The following PID1 variants were observed in gnomAD, a reference collection of about 807,000 sequenced individuals.
PID1 encodes the protein PTB-containing, cubilin and LRP1-interacting protein.
PID1 carries 10 observed loss-of-function variants against 19.1 expected under a neutral mutation model. That is an observed-to-expected ratio of 0.52 (90% CI 0.32 to 0.89). The LOEUF is 0.89. PID1 is among the 40% of genes least tolerant of loss of function. The pLI is 0.03. For synonymous variants in PID1, 130 were observed against 116.0 expected (o/e 1.12, Z -0.78); for missense variants, 248 against 285.3 (o/e 0.87, Z 0.94).
chr2:229,113,035 A>G (rs1695330812), intron 2 of PID1, among the ~76,000 whole-genome samples: 1 of 152,068 alleles, frequency 6.6e-6, no homozygotes, highest in Non-Finnish European at 1.5e-5. Flanking sequence ...TTCCCAGCAG[A>G]CTCTATGTGA....
At chr2:229,050,109 G>A (rs3922300) in intron 2 of PID1, among the ~76,000 whole-genome samples, 78,844 of 151,356 alleles carry the variant, frequency 0.52, 21,230 homozygotes, top group East Asian at 0.67. Context: ...GACAGCTCCT[G>A]ATTCTTTAGG....
chr2:229,158,110 G>T (rs11903631), intron 1 of PID1, among the ~76,000 whole-genome samples: 55,333 of 152,118 alleles, frequency 0.36, 10,475 homozygotes, highest in African/African-American at 0.42. Flanking sequence ...ACTGCACAAT[G>T]TAAATTCATG....
At chr2:229,140,679 G>T (rs1325165696) in intron 2 of PID1, among the ~76,000 whole-genome samples, 1 of 152,036 alleles carries the variant, frequency 6.6e-6, no homozygotes, top group African/African-American at 2.4e-5. Context: ...AGAAGAGCCT[G>T]GCCTACACTA....
At chr2:229,229,748 C>T (rs1209868335) in intron 1 of PID1, among the ~76,000 whole-genome samples, 1 of 152,244 alleles carries the variant, frequency 6.6e-6, no homozygotes, top group Non-Finnish European at 1.5e-5. Flanking sequence ...AATCCACAGG[C>T]TTTCAGATGG....
intron 2 of PID1, among the ~76,000 whole-genome samples, chr2:229,075,576 A>C (rs1437417523): frequency 6.6e-6 from 1 of 152,206 alleles, no homozygotes; most frequent in African/African-American, 2.4e-5. Flanking sequence ...TCATGTTTGC[A>C]ATCAAGATGG....
intron 1 of PID1, among the ~76,000 whole-genome samples, chr2:229,253,367 T>C (rs1690204765): frequency 6.6e-6 from 1 of 152,132 alleles, no homozygotes; most frequent in African/African-American, 2.4e-5. Flanking sequence ...GTGCAGCAAT[T>C]TGGCAGGAAG....
chr2:229,088,608 T>C (rs1574619099), intron 2 of PID1, among the ~76,000 whole-genome samples: 1 of 152,294 alleles, frequency 6.6e-6, no homozygotes, highest in South Asian at 2.1e-4. Flanking sequence ...TCTGGTACTA[T>C]GGACCTGAAA....
At chr2:229,205,431 G>A (rs770901825) in intron 1 of PID1, among the ~76,000 whole-genome samples, 40 of 151,916 alleles carry the variant, frequency 2.6e-4, no homozygotes, top group Non-Finnish European at 4.9e-4. Flanking sequence ...AAAACCTGCC[G>A]CAAATTCACA....
At chr2:229,210,872 G>C (rs1691717775) in intron 1 of PID1, among the ~76,000 whole-genome samples, 1 of 152,126 alleles carries the variant, frequency 6.6e-6, no homozygotes, top group African/African-American at 2.4e-5. Flanking sequence ...GGCAAAAACA[G>C]TCAAGGACGG....
chr2:229,176,627 T>C (rs1397030061), intron 1 of PID1, among the ~76,000 whole-genome samples: 1 of 152,256 alleles, frequency 6.6e-6, no homozygotes, highest in Non-Finnish European at 1.5e-5. Context: ...GCCATTAATA[T>C]TGTTTTTCAA....
At chr2:229,147,701 C>T (rs1042459873) in intron 2 of PID1, among the ~76,000 whole-genome samples, 55 of 152,030 alleles carry the variant, frequency 3.6e-4, no homozygotes, top group African/African-American at 1.2e-3. Flanking sequence ...TACATTTAAA[C>T]GCTTAGTAGG....
chr2:229,054,440 A>G (rs1209964529), intron 2 of PID1, among the ~76,000 whole-genome samples: 1 of 152,194 alleles, frequency 6.6e-6, no homozygotes, highest in Non-Finnish European at 1.5e-5. Flanking sequence ...AGAATCTATG[A>G]TGGAAAGCCA....
chr2:229,217,927 C>T (rs1378931334), intron 1 of PID1, among the ~76,000 whole-genome samples: 3 of 152,170 alleles, frequency 2.0e-5, no homozygotes, highest in Non-Finnish European at 2.9e-5. Flanking sequence ...GAGCCTTTCA[C>T]TATACTGTGC....
At chr2:229,241,784 T>C (rs1689876379) in intron 1 of PID1, among the ~76,000 whole-genome samples, 1 of 152,148 alleles carries the variant, frequency 6.6e-6, no homozygotes, top group South Asian at 2.1e-4. Context: ...TTTTCATTTT[T>C]TCACCTGCTT....
chr2:229,159,152 G>T (rs974941556), intron 1 of PID1, among the ~76,000 whole-genome samples: 2 of 152,150 alleles, frequency 1.3e-5, no homozygotes, highest in African/African-American at 4.8e-5. Flanking sequence ...TCTCCATGAT[G>T]TTATTATTGT....
chr2:229,235,859 A>G (rs1449354591), intron 1 of PID1, among the ~76,000 whole-genome samples: 1 of 152,180 alleles, frequency 6.6e-6, no homozygotes, highest in Non-Finnish European at 1.5e-5. Flanking sequence ...GCTTCCAGGC[A>G]TCTCGGGACG....
chr2:229,153,870 C>T (rs1389415101), intron 2 of PID1, among the ~76,000 whole-genome samples: 1 of 152,182 alleles, frequency 6.6e-6, no homozygotes, highest in Non-Finnish European at 1.5e-5. Context: ...AATTCTCCTC[C>T]ATATACTTGT....
In PID1 at chr2:229,130,349, C is replaced by T. The variant is rs1689705006; in HGVS notation, c.177+25469G>A. Among the ~76,000 whole-genome samples, 2 of 152,158 alleles carry T rather than the reference C, an allele frequency of 1.3e-5. 1 individual carries two copies. Among genetic ancestry groups the T allele is most frequent in the South Asian group, 4.1e-4 (2 of 4,828 alleles). On this transcript the variant is annotated intron_variant, in intron 2 of 2. Transcript: ENST00000392055. ...CTTCTCAGAGACCAGAAGCTTGGCG[C>T]AAAGTGATGCCTGGGGGACAGTGAC...
rs573293771 is a variant in PID1 at position 229,239,205 on chromosome 2, G to A, written c.30+31809C>T. Among the ~76,000 whole-genome samples the A allele has an allele frequency of 7.9e-5, 12 of 152,288 alleles. 1 individual carries two copies. Among genetic ancestry groups the A allele is most frequent in the East Asian group, 5.8e-4 (3 of 5,178 alleles). ...ACTCCCAGAGTTTCAGATTTAGTAA[G>A]CTAGCGGGAGGGGCCAAGAATTTGC... On this transcript the variant is annotated intron_variant, in intron 1 of 2. Coordinates refer to ENST00000392055, the MANE Select transcript of PID1 (RefSeq NM_001100818.2).
Sources: allele counts gnomAD v4.1 joint callset (sites outside exome capture counted in the v4.1 genomes callset), GRCh38; gene constraint gnomAD v4.1.1; transcripts MANE v1.5; gene names NCBI Gene and HGNC (gene_info 2026-07-23, HGNC 2026-07-21).